The following DSCAM variants were observed in gnomAD, a reference collection of about 807,000 sequenced individuals.
DSCAM encodes the protein DS cell adhesion molecule, also known as cell adhesion molecule DSCAM.
DSCAM carries 47 observed loss-of-function variants against 217.7 expected under a neutral mutation model. The ratio of observed to expected loss-of-function variants is 0.22; its 90% CI spans 0.17 to 0.28. The LOEUF is 0.28. DSCAM is among the 10% of genes least tolerant of loss of function. The pLI is 1.00. For synonymous variants in DSCAM, 1,056 were observed against 1,015.3 expected (o/e 1.04, Z -0.76); for missense variants, 2,080 against 2,618.3 (o/e 0.79, Z 4.49).
chr21:40,832,302 C>T (rs554492366), intron 1 of DSCAM, among the ~76,000 whole-genome samples: 4 of 152,270 alleles, frequency 2.6e-5, no homozygotes, highest in East Asian at 1.9e-4. Flanking sequence ...ATAAACATAA[C>T]GAGTGCGAAT....
chr21:40,090,729 T>C (rs1376754523), intron 21 of DSCAM, among the ~76,000 whole-genome samples: 1 of 152,176 alleles, frequency 6.6e-6, no homozygotes, highest in Non-Finnish European at 1.5e-5. Flanking sequence ...CCATCCCAGG[T>C]GTAAGCGATA....
intron 1 of DSCAM, among the ~76,000 whole-genome samples, chr21:40,734,380 G>A (rs754248660): frequency 1.3e-5 from 2 of 152,144 alleles, no homozygotes; most frequent in Non-Finnish European, 2.9e-5. Flanking sequence ...GGGAGAGAAG[G>A]ACCCACAGCA....
chr21:40,232,170 C>T (rs2091387973), intron 11 of DSCAM, among the ~76,000 whole-genome samples: 1 of 152,162 alleles, frequency 6.6e-6, no homozygotes, highest in Non-Finnish European at 1.5e-5. Flanking sequence ...AGGCAGATGA[C>T]GTCACTCATT....
intron 3 of DSCAM, among the ~76,000 whole-genome samples, chr21:40,485,163 C>G (rs1022507382): frequency 3.3e-5 from 5 of 152,142 alleles, no homozygotes; most frequent in African/African-American, 7.2e-5. Flanking sequence ...CCTGCTACCC[C>G]CTTTGCATCC....
At chr21:40,709,543 C>T (rs183639817) in intron 1 of DSCAM, among the ~76,000 whole-genome samples, 1 of 152,148 alleles carries the variant, frequency 6.6e-6, no homozygotes, top group East Asian at 1.9e-4. Context: ...CCTGTGTCCA[C>T]GTGTTCTCAT....
intron 3 of DSCAM, among the ~76,000 whole-genome samples, chr21:40,511,330 A>G (rs1286533320): frequency 2.6e-5 from 4 of 152,208 alleles, no homozygotes; most frequent in African/African-American, 9.6e-5. Flanking sequence ...TCACATATAG[A>G]TAAAATTTTA....
intron 1 of DSCAM, among the ~76,000 whole-genome samples, chr21:40,723,717 A>G (rs908895129): frequency 3.9e-5 from 6 of 152,242 alleles, no homozygotes; most frequent in African/African-American, 1.4e-4. Flanking sequence ...TGTATTTTAT[A>G]TACATCATCT....
chr21:40,338,521 G>A (rs1367805527), intron 7 of DSCAM, 145 bp from the exon 8 acceptor site: 1 of 889,168 alleles, frequency 1.1e-6, no homozygotes, highest in Non-Finnish European at 1.6e-6. Context: ...TTTGCATGTG[G>A]CATTTTCTAC....
At chr21:40,611,764 T>C (rs116461995) in intron 3 of DSCAM, among the ~76,000 whole-genome samples, 117 of 152,364 alleles carry the variant, frequency 7.7e-4, no homozygotes, top group African/African-American at 2.6e-3. Context: ...CCACACACTA[T>C]GCCCTTGCCC....
intron 3 of DSCAM, among the ~76,000 whole-genome samples, chr21:40,622,684 A>C (rs1212421792): frequency 6.6e-6 from 1 of 152,124 alleles, no homozygotes; most frequent in Non-Finnish European, 1.5e-5. Context: ...GGAAAGCTGG[A>C]TTGGACAGCT....
In DSCAM at chr21:40,024,470, A is replaced by G. The variant is rs1260290416; in HGVS notation, c.5687-11084T>C. On this transcript the variant is annotated intron_variant, in intron 32 of 32. Coordinates refer to ENST00000400454, the MANE Select transcript of DSCAM (RefSeq NM_001389.5). ...GTAAATTACCTTGGGCAGTATGGCC[A>G]TTTTCACGATATTGATTCTTCCTAC... Among the ~76,000 whole-genome samples, 2 of 76,550 alleles carry G rather than the reference A, an allele frequency of 2.6e-5. 1 individual carries two copies. Among genetic ancestry groups the G allele is most frequent in the Admixed American group, 2.9e-4 (2 of 6,878 alleles). The allele number at this position is 76,550 out of a possible 152,430, so 50.2% of individuals were successfully genotyped here. A position where few individuals can be genotyped will look rare whatever the true frequency, so the allele number is the denominator to read the frequency against.
chr21:40,087,384 G>T (rs1224339206), intron 21 of DSCAM, 97 bp from the exon 22 acceptor site: 2 of 855,878 alleles, frequency 2.3e-6, no homozygotes, highest in South Asian at 1.5e-5. Context: ...CCTAAAAATG[G>T]ATGTGAAGCC....
chr21:40,363,493 T>C (rs914973297), intron 4 of DSCAM, among the ~76,000 whole-genome samples: 1 of 152,110 alleles, frequency 6.6e-6, no homozygotes, highest in Non-Finnish European at 1.5e-5. Flanking sequence ...CCTCAAGTGG[T>C]CTGCCTGCCT....
chr21:40,804,021 G>A lies in DSCAM; in HGVS notation c.43+42598C>T, dbSNP rs905535879. Among the ~76,000 whole-genome samples the A allele has an allele frequency of 6.6e-5, 10 of 152,138 alleles. No homozygotes were observed. The East Asian group carries it at 1.9e-3, about 29-fold the overall frequency. ...CTCTTCTGCTTAATAAAGAAAGGGGGGAAATAGCTAAAAATCCTTTAAACC... is the reference window on the plus strand; with the variant it reads ...CTCTTCTGCTTAATAAAGAAAGGGGAGAAATAGCTAAAAATCCTTTAAACC... On this transcript the variant is annotated intron_variant, in intron 1 of 32. Coordinates refer to ENST00000400454, the MANE Select transcript of DSCAM (RefSeq NM_001389.5).
intron 8 of DSCAM, among the ~76,000 whole-genome samples, chr21:40,322,328 T>A (rs974654737): frequency 6.6e-6 from 1 of 152,170 alleles, no homozygotes; most frequent in Non-Finnish European, 1.5e-5. Context: ...GACGCACAAG[T>A]ATTACCTGAA....
intron 8 of DSCAM, among the ~76,000 whole-genome samples, chr21:40,320,897 A>G (rs1046301379): frequency 5.9e-5 from 9 of 152,208 alleles, no homozygotes; most frequent in Non-Finnish European, 1.5e-5. Flanking sequence ...CCTATCAGTC[A>G]CCATCTCTGT....
At chr21:40,687,202 C>A (rs766626927) in intron 3 of DSCAM, among the ~76,000 whole-genome samples, 1 of 152,150 alleles carries the variant, frequency 6.6e-6, no homozygotes, top group African/African-American at 2.4e-5. Flanking sequence ...TTTGGTCCCA[C>A]GAATTTCTTT....
chr21:40,547,171 C>T (rs994792150), intron 3 of DSCAM, among the ~76,000 whole-genome samples: 2 of 152,172 alleles, frequency 1.3e-5, no homozygotes, highest in Admixed American at 6.5e-5. Flanking sequence ...CACTGTCCCC[C>T]GGTGTAGACA....
intron 3 of DSCAM, among the ~76,000 whole-genome samples, chr21:40,622,980 T>G (rs1029401491): frequency 1.3e-5 from 2 of 152,228 alleles, no homozygotes; most frequent in East Asian, 1.9e-4. Flanking sequence ...TTCAACTTAT[T>G]ACTAAATTAG....
Sources: allele counts gnomAD v4.1 joint callset (sites outside exome capture counted in the v4.1 genomes callset), GRCh38; gene constraint gnomAD v4.1.1; transcripts MANE v1.5; gene names NCBI Gene and HGNC (gene_info 2026-07-23, HGNC 2026-07-21).